CNTNAP5: variants seen among roughly 807,000 people sequenced by gnomAD.
The protein encoded by CNTNAP5 is contactin-associated protein-like 5.
In CNTNAP5, 72 loss-of-function variants were observed where a neutral mutation model predicts 150.2. The observed-to-expected ratio is 0.48, with a 90% CI of 0.40 to 0.58. CNTNAP5 has a LOEUF of 0.58. Ranked by LOEUF, CNTNAP5 falls within the 20% of genes least tolerant of loss-of-function variation. CNTNAP5 has a pLI of 0.00. For missense variants in CNTNAP5, 1,636 were observed against 1,626.2 expected (o/e 1.01, Z -0.10); for synonymous variants, 672 against 619.8 (o/e 1.08, Z -1.25).
chr2:124,108,865 T>C (rs1299424957), intron 1 of CNTNAP5, among the ~76,000 whole-genome samples: 1 of 152,190 alleles, frequency 6.6e-6, no homozygotes, highest in Non-Finnish European at 1.5e-5. Context: ...ATAAGGCTCA[T>C]GTGTGCTCCT....
At chr2:124,481,801 T>TC (rs1323071428) in intron 7 of CNTNAP5, among the ~76,000 whole-genome samples, 3 of 152,280 alleles carry the variant, frequency 2.0e-5, no homozygotes, top group Non-Finnish European at 4.4e-5. Flanking sequence ...TTGTTTGAAT[T>TC]TTTTTCTGCC....
At chr2:124,530,301 C>A (rs2104893791) in intron 10 of CNTNAP5, among the ~76,000 whole-genome samples, 1 of 152,238 alleles carries the variant, frequency 6.6e-6, no homozygotes, top group South Asian at 2.1e-4. Flanking sequence ...CAGAGCAAGA[C>A]TCCGTCTAAA....
intron 13 of CNTNAP5, among the ~76,000 whole-genome samples, chr2:124,654,137 G>A (rs1281784818): frequency 6.6e-6 from 1 of 152,124 alleles, no homozygotes; most frequent in Non-Finnish European, 1.5e-5. Context: ...CTGAAGAATA[G>A]CCAAAAGGCC....
At chr2:124,576,721 G>A (rs1696289846) in intron 11 of CNTNAP5, among the ~76,000 whole-genome samples, 1 of 152,200 alleles carries the variant, frequency 6.6e-6, no homozygotes, top group Non-Finnish European at 1.5e-5. Flanking sequence ...TGAGTGACCT[G>A]TGGGAAATTA....
chr2:124,771,968 C>T (rs1199463359), intron 16 of CNTNAP5, among the ~76,000 whole-genome samples: 8 of 151,690 alleles, frequency 5.3e-5, no homozygotes, highest in African/African-American at 1.7e-4. Flanking sequence ...ACCATTGCCA[C>T]GACCACCACC....
intron 17 of CNTNAP5, among the ~76,000 whole-genome samples, chr2:124,789,335 T>A (rs151186747): frequency 1.3e-5 from 2 of 152,318 alleles, no homozygotes; most frequent in Non-Finnish European, 2.9e-5. Context: ...TTTCACTTTT[T>A]TTGTATGTAT....
chr2:124,451,044 AAAAAAAAATATATAT>A (rs1356291688), intron 6 of CNTNAP5, among the ~76,000 whole-genome samples: 1 of 75,150 alleles, frequency 1.3e-5, no homozygotes, highest in African/African-American at 5.1e-5. Flanking sequence ...AAAAAAAAAA[AAAAAAAAATATATAT>A]ATATATATAT....
intron 5 of CNTNAP5, among the ~76,000 whole-genome samples, chr2:124,441,838 T>G (rs1184071026): frequency 2.0e-5 from 3 of 151,598 alleles, no homozygotes; most frequent in Non-Finnish European, 4.4e-5. Context: ...TGGGACTCAA[T>G]TTTGCATTAT....
In CNTNAP5 at chr2:124,042,368, G is replaced by T. The variant is rs141384362; in HGVS notation, c.82+16636G>T. Among the ~76,000 whole-genome samples, 297 of 152,212 alleles carry T rather than the reference G, an allele frequency of 2.0e-3. 3 individuals are homozygous for T. Among genetic ancestry groups the T allele is most frequent in the African/African-American group, 7.0e-3 (290 of 41,526 alleles). On this transcript the variant is annotated intron_variant, in intron 1 of 23. Coordinates refer to ENST00000682447, the MANE Select transcript of CNTNAP5 (RefSeq NM_001367498.1). ...TCTATTGTGAATAACATGAGATAAA[G>T]AATATTTTTAAGAAGGTGTAACCAT...
chr2:124,784,480 ACAT>A (rs1474788653), intron 17 of CNTNAP5, among the ~76,000 whole-genome samples: 3 of 152,208 alleles, frequency 2.0e-5, no homozygotes, highest in Non-Finnish European at 4.4e-5. Context: ...GTCCAAGGAA[ACAT>A]CATCATAATG....
intron 5 of CNTNAP5, among the ~76,000 whole-genome samples, chr2:124,436,392 TTG>T (rs904249683): frequency 3.3e-5 from 5 of 152,140 alleles, no homozygotes; most frequent in South Asian, 2.1e-4. Context: ...TGCAATCAAA[TTG>T]TGTTTTTTAT....
chr2:124,665,023 G>A (rs537386676), intron 13 of CNTNAP5, among the ~76,000 whole-genome samples: 1 of 152,140 alleles, frequency 6.6e-6, no homozygotes, highest in Admixed American at 6.6e-5. Flanking sequence ...AGAAGGTGAC[G>A]AGACAGAAGT....
chr2:124,498,200 T>A lies in CNTNAP5; in HGVS notation c.1063-6092T>A, dbSNP rs1010154759. On this transcript the variant is annotated intron_variant, in intron 7 of 23. Transcript: ENST00000682447. ...TCAAGGAAGGCGCTGCTTAGAAACT[T>A]CATTCTCTCTCACGGTTTGCTTCTG... 7.2e-5 allele frequency among the ~76,000 whole-genome samples: 11 copies of A among 152,304 alleles called. 1 individual carries two copies. Among genetic ancestry groups the A allele is most frequent in the Admixed American group, 5.2e-4 (8 of 15,294 alleles).
At chr2:124,782,657 C>G (rs1681479320) in intron 17 of CNTNAP5, among the ~76,000 whole-genome samples, 1 of 151,540 alleles carries the variant, frequency 6.6e-6, no homozygotes, top group African/African-American at 2.4e-5. Context: ...GACCAAAGAA[C>G]TTTAAAAGAA....
intron 1 of CNTNAP5, among the ~76,000 whole-genome samples, chr2:124,100,695 G>A (rs958319709): frequency 2.1e-5 from 3 of 141,294 alleles, no homozygotes; most frequent in African/African-American, 5.2e-5. Context: ...GCAAAGCCTC[G>A]TCTCTACAAA....
At chr2:124,258,255 C>T (rs1395922233) in intron 3 of CNTNAP5, among the ~76,000 whole-genome samples, 1 of 151,982 alleles carries the variant, frequency 6.6e-6, no homozygotes, top group East Asian at 1.9e-4. Context: ...TTAATTTGTT[C>T]CCAGCCAACA....
At chr2:124,831,032 C>T (rs1279898364) in intron 19 of CNTNAP5, among the ~76,000 whole-genome samples, 1 of 151,896 alleles carries the variant, frequency 6.6e-6, no homozygotes, top group East Asian at 1.9e-4. Flanking sequence ...TTTAGATAAC[C>T]TTATTTTTCT....
intron 14 of CNTNAP5, among the ~76,000 whole-genome samples, chr2:124,755,296 A>G (rs1680815935): frequency 6.6e-6 from 1 of 152,196 alleles, no homozygotes. Flanking sequence ...TTGTCTGTAA[A>G]GTCTCATTAT....
chr2:124,202,917 C>A (rs1353777365), intron 1 of CNTNAP5, among the ~76,000 whole-genome samples: 2 of 152,128 alleles, frequency 1.3e-5, no homozygotes, highest in Non-Finnish European at 2.9e-5. Flanking sequence ...TCATTCCACC[C>A]CTGGCCCCTT....
Sources: gnomAD v4.1 joint callset for allele counts (sites outside exome capture counted in the v4.1 genomes callset) on GRCh38, gnomAD v4.1.1 for gene constraint, MANE v1.5 for transcripts, NCBI Gene and HGNC (gene_info 2026-07-23, HGNC 2026-07-21) for gene names.